INTS10: variants seen among roughly 807,000 people sequenced by gnomAD.
INTS10 encodes the protein integrator complex subunit 10, also known as chromosome 8 open reading frame 35.
Under a neutral mutation model 94.4 loss-of-function variants are expected in INTS10, and 44 were observed. The observed-to-expected ratio is 0.47, with a 90% confidence interval of 0.37 to 0.60. The LOEUF (loss-of-function observed/expected upper bound fraction) is 0.60. INTS10 is among the 20% of genes least tolerant of loss of function. The pLI, the probability that INTS10 is intolerant of heterozygous loss-of-function variation, is 0.00. For missense variants in INTS10, 797 were observed against 868.7 expected (o/e 0.92, Z 1.04); for synonymous variants, 341 against 320.7 (o/e 1.06, Z -0.68).
rs761945292 is a variant in INTS10 at position 19,820,366 on chromosome 8, A to G, written c.302-13A>G. 3.1e-6 allele frequency: 5 copies of G among 1,596,102 alleles called. No individual in the cohort carries two copies. Among genetic ancestry groups the G allele is most frequent in the Non-Finnish European group, 4.3e-6 (5 of 1,169,648 alleles). On this transcript the variant is annotated splice_polypyrimidine_tract_variant and intron_variant, in intron 3 of 16. Coordinates refer to ENST00000397977, the MANE Select transcript of INTS10 (RefSeq NM_018142.4). ...CGCAAGAAACTTTTAAAAGTGAAAT[A>G]TGTTTCGTACAGGTTTATTTGAAAC...
chr8:19,823,686 T>C (rs2066566062), intron 6 of INTS10, among the ~76,000 whole-genome samples, 187 bp from the exon 7 acceptor site: 1 of 152,166 alleles, frequency 6.6e-6, no homozygotes, highest in South Asian at 2.1e-4. Context: ...AAATGTACCA[T>C]GATGAAGTAG....
In INTS10 at chr8:19,850,157, G is replaced by GA. The variant is rs531903037; in HGVS notation, c.1977-1483dup. Among the ~76,000 whole-genome samples, 18 of 148,006 alleles carry GA rather than the reference G, an allele frequency of 1.2e-4. No homozygotes were observed. The South Asian group carries it at 2.6e-3, about 21-fold the overall frequency. On this transcript the variant is annotated intron_variant, in intron 16 of 16. Transcript: ENST00000397977. ...AAAAAAAAAAAAAGAAAGAAAGAAA[G>GA]AAAAAAAAAGGAGGGTTTGCCCTTT...
rs966322986 is a variant in INTS10 at position 19,851,964 on chromosome 8, A to G, written c.*159A>G. On this transcript the variant is annotated 3_prime_UTR_variant, in exon 17 of 17. Transcript: ENST00000397977. The surrounding 1 kb of genome is among the most constrained non-coding windows in gnomAD (Gnocchi z 5.0). The stretch of plus-strand genomic sequence containing the variant: ...CTTGGTTGCTTAAAAGTAGTTCCCA[A>G]GAGTCTGAGAAGCTATTTCTATTTT... The G allele has an allele frequency of 4.1e-6, 2 of 486,872 alleles. No individual in the cohort carries two copies. The highest frequency in any genetic ancestry group is 3.8e-5 in the African/African-American group (2 of 52,464). 30.2% of individuals were successfully genotyped at this position (486,872 alleles called of 1,614,324 possible). A position where few individuals can be genotyped will look rare whatever the true frequency, so the allele number is the denominator to read the frequency against.
intron 5 of INTS10, 125 bp downstream of exon 5, chr8:19,822,645 T>A: frequency 1.8e-6 from 1 of 570,202 alleles, no homozygotes. Flanking sequence ...TTTAAGTTCT[T>A]TTTTTTTTAA....
chr8:19,822,804 G>T (rs536599446), intron 5 of INTS10, among the ~76,000 whole-genome samples: 5 of 152,178 alleles, frequency 3.3e-5, no homozygotes, highest in Non-Finnish European at 7.4e-5. Context: ...ACAAAAATTA[G>T]CTGGGCATGG....
chr8:19,831,566 T>C (rs2128777058), intron 10 of INTS10, among the ~76,000 whole-genome samples: 1 of 152,196 alleles, frequency 6.6e-6, no homozygotes, highest in East Asian at 1.9e-4. Flanking sequence ...GGCATGTGTC[T>C]GTAGTGCCAG....
intron 13 of INTS10, chr8:19,842,069 G>A (rs938521141): frequency 4.6e-5 from 10 of 218,752 alleles, no homozygotes; most frequent in Non-Finnish European, 7.5e-5. Context: ...GAAAGATTGG[G>A]ATTTTGCTTT....
Position 19,822,462 on chromosome 8 carries a change from A to G in INTS10, c.465A>G (p.Leu155=). Residue 155 remains leucine (L), a synonymous_variant, in exon 5 of 17, where the codon TTA becomes TTG. Coordinates refer to ENST00000397977, the MANE Select transcript of INTS10 (RefSeq NM_018142.4). ...AGGTTGGCCTTGGGGAGGCACTATT[A>G]GAGGCTGAAACTATTGAAGAACAAG... is the stretch of plus-strand genomic sequence containing the variant. ...QHGVGLGEAL[L]EAETIEEQES... 1 of 1,611,722 alleles carries G rather than the reference A, an allele frequency of 6.2e-7. No homozygotes were observed. Among genetic ancestry groups the G allele is most frequent in the Non-Finnish European group, 8.5e-7 (1 of 1,177,920 alleles).
At chr8:19,842,987 T>G (rs2068257873) in intron 14 of INTS10, 60 bp downstream of exon 14, 1 of 1,178,146 alleles carries the variant, frequency 8.5e-7, no homozygotes, top group Non-Finnish European at 1.3e-6. Context: ...TTCTCATGAC[T>G]CGAGAACTTG....
chr8:19,833,314 A>G lies in INTS10; in HGVS notation c.1523A>G (p.Glu508Gly), dbSNP rs1320114777. ...QLATCHFALG[E>G]YRMTCEKVLD... ...GCGACGTGCCACTTTGCGCTAGGGG[A>G]GTACAGAGTGAGTACTGCACACATA... Residue 508 changes from glutamate to glycine, a missense_variant, in exon 12 of 17, where the codon GAG becomes GGG. By Grantham distance (98) the Glu-to-Gly change is moderately conservative. This residue lies in a region of INTS10 where 734 missense variants were observed against 787.8 expected (regional missense o/e 0.93). Coordinates refer to ENST00000397977, the MANE Select transcript of INTS10 (RefSeq NM_018142.4). 1 of 1,607,952 alleles carries G rather than the reference A, an allele frequency of 6.2e-7. No homozygotes were observed. Among genetic ancestry groups the G allele is most frequent in the African/African-American group, 1.3e-5 (1 of 74,618 alleles).
chr8:19,822,317 T>C, intron 4 of INTS10, 122 bp from the exon 5 acceptor site: 1 of 578,618 alleles, frequency 1.7e-6, no homozygotes, highest in Non-Finnish European at 3.0e-6. Flanking sequence ...TGTGATTATT[T>C]GTTTCTCAGA....
intron 13 of INTS10, among the ~76,000 whole-genome samples, chr8:19,840,175 A>G (rs1416663577): frequency 6.6e-6 from 1 of 151,930 alleles, no homozygotes; most frequent in Non-Finnish European, 1.5e-5. Context: ...TTAAGATACT[A>G]TTTCTAATAG....
chr8:19,827,080 AG>A (rs933533906), intron 9 of INTS10, among the ~76,000 whole-genome samples: 2 of 152,202 alleles, frequency 1.3e-5, no homozygotes, highest in African/African-American at 4.8e-5. Context: ...TGAAAGGCGA[AG>A]GGTTTTGTCA....
At position 19,830,613 on chromosome 8, in the gene INTS10, G is replaced by A. The variant is rs546593230; in HGVS notation, c.1294+54G>A. 5.8e-5 allele frequency: 87 copies of A among 1,493,890 alleles called. No homozygotes were observed. In the South Asian group the frequency reaches 5.9e-4, roughly 10 times the overall value. 92.5% of individuals were successfully genotyped at this position (1,493,890 alleles called of 1,614,324 possible). On this transcript the variant is annotated intron_variant, in intron 10 of 16. Transcript: ENST00000397977. ...TTGATGTTTTATATAAAATCATTACGCTACTTCAAATGTCAGGTCACTTAC... is the reference window on the plus strand; with the variant it reads ...TTGATGTTTTATATAAAATCATTACACTACTTCAAATGTCAGGTCACTTAC...
intron 11 of INTS10, 41 bp from the exon 12 acceptor site, chr8:19,833,128 C>T: frequency 6.8e-7 from 1 of 1,473,052 alleles, no homozygotes; most frequent in East Asian, 2.5e-5. Flanking sequence ...CTTTTTTTAA[C>T]AGCGATGCTT....
At position 19,842,944 on chromosome 8, in the gene INTS10, T is replaced by G; in HGVS notation, c.1719+17T>G. On this transcript the variant is annotated intron_variant, in intron 14 of 16. Transcript: ENST00000397977. ...TGTTTTAAGGTAAGCTTAAAGTTGA[T>G]TAGCTTGAAAAAAAATGTAATTTCA... 1.3e-6 allele frequency: 2 copies of G among 1,497,976 alleles called. No individual in the cohort carries two copies. The highest frequency in any genetic ancestry group is 1.9e-6 in the Non-Finnish European group (2 of 1,075,484). The allele number at this position is 1,497,976 out of a possible 1,614,324, so 92.8% of individuals were successfully genotyped here.
At chr8:19,842,070 A>AT (rs1341723136) in intron 13 of INTS10, 2 of 224,120 alleles carry the variant, frequency 8.9e-6, no homozygotes, top group Non-Finnish European at 1.8e-5. Context: ...AAAGATTGGG[A>AT]TTTTGCTTTG....
intron 8 of INTS10, among the ~76,000 whole-genome samples, chr8:19,825,284 T>G (rs572881745): frequency 3.8e-4 from 58 of 152,314 alleles, no homozygotes; most frequent in African/African-American, 1.3e-3. Context: ...CCCAGCACTT[T>G]GGCAGGTGAG....
At chr8:19,828,429 ATC>A (rs896699014) in intron 9 of INTS10, among the ~76,000 whole-genome samples, 31 of 152,312 alleles carry the variant, frequency 2.0e-4, no homozygotes, top group African/African-American at 7.5e-4. Flanking sequence ...TCCTGTGGGC[ATC>A]TGTCCCCCAC....
Sources: gnomAD v4.1 joint callset for allele counts (sites outside exome capture counted in the v4.1 genomes callset) on GRCh38, gnomAD v4.1.1 for gene constraint, gnomAD v4.1.1 regional missense constraint, Gnocchi (gnomAD v3.1) non-coding constraint, MANE v1.5 for transcripts, NCBI Gene and HGNC (gene_info 2026-07-23, HGNC 2026-07-21) for gene names.